The following AKAP6 variants were observed in gnomAD, a reference collection of about 807,000 sequenced individuals.
The protein encoded by AKAP6 is A-kinase anchoring protein 6, also known as A-kinase anchor protein 6.
AKAP6 carries 58 observed loss-of-function variants against 188.5 expected under a neutral mutation model. That is an observed-to-expected ratio of 0.31 (90% CI 0.25 to 0.38). AKAP6 has a LOEUF of 0.38. AKAP6 is among the 10% of genes least tolerant of loss of function. The probability of loss-of-function intolerance (pLI) is 1.00; values close to 1 mark genes in which losing one functional copy is unlikely to be tolerated. For synonymous variants in AKAP6, 989 were observed against 998.6 expected (o/e 0.99, Z 0.18); for missense variants, 2,710 against 2,740.0 (o/e 0.99, Z 0.24).
intron 9 of AKAP6, among the ~76,000 whole-genome samples, chr14:32,718,613 C>G (rs1055045633): frequency 2.6e-5 from 4 of 152,152 alleles, no homozygotes; most frequent in African/African-American, 9.7e-5. Flanking sequence ...TTCACAGAAG[C>G]TTTTCTTGTG....
intron 5 of AKAP6, among the ~76,000 whole-genome samples, chr14:32,580,749 T>C (rs937625188): frequency 1.1e-4 from 16 of 150,372 alleles, no homozygotes; most frequent in African/African-American, 3.4e-4. Flanking sequence ...TTCCCCTTCC[T>C]GTGTCCATGT....
chr14:32,366,734 T>C (rs910026511), intron 1 of AKAP6, among the ~76,000 whole-genome samples: 5 of 151,966 alleles, frequency 3.3e-5, no homozygotes, highest in African/African-American at 1.2e-4. Context: ...TGGGGAGTAG[T>C]GGTGGAAAGT....
intron 7 of AKAP6, among the ~76,000 whole-genome samples, chr14:32,623,986 G>C (rs945000577): frequency 6.6e-6 from 1 of 152,130 alleles, no homozygotes; most frequent in Non-Finnish European, 1.5e-5. Context: ...GGAGAAGAGA[G>C]TAGAGTGGCA....
chr14:32,338,726 A>G lies in AKAP6; in HGVS notation c.-35+9318A>G, dbSNP rs73254629. Among the ~76,000 whole-genome samples the G allele has an allele frequency of 9.9e-3, 1,503 of 152,196 alleles. 28 individuals are homozygous for G. The highest frequency in any genetic ancestry group is 0.035 in the African/African-American group (1,437 of 41,508). ...TAAAATTATTAGAGTTATGATCTTAAGGTTCTTAGAGCCTCATTTTTCCCC... is the reference window on the plus strand; with the variant it reads ...TAAAATTATTAGAGTTATGATCTTAGGGTTCTTAGAGCCTCATTTTTCCCC... On this transcript the variant is annotated intron_variant, in intron 1 of 13. Coordinates refer to ENST00000280979, the MANE Select transcript of AKAP6 (RefSeq NM_004274.5).
At chr14:32,350,471 C>G (rs1482865379) in intron 1 of AKAP6, among the ~76,000 whole-genome samples, 1 of 151,990 alleles carries the variant, frequency 6.6e-6, no homozygotes, top group Non-Finnish European at 1.5e-5. Flanking sequence ...TATTATAGAC[C>G]AGAGGAGACT....
chr14:32,722,815 A>C (rs1249439656), intron 9 of AKAP6, among the ~76,000 whole-genome samples: 1 of 152,116 alleles, frequency 6.6e-6, no homozygotes, highest in Non-Finnish European at 1.5e-5. Flanking sequence ...TGTGTGACCT[A>C]ATTCTTCCTG....
intron 2 of AKAP6, among the ~76,000 whole-genome samples, chr14:32,462,322 G>A (rs1198025163): frequency 1.3e-5 from 2 of 152,140 alleles, no homozygotes; most frequent in Non-Finnish European, 2.9e-5. Flanking sequence ...ATTAAGGGTA[G>A]CCAGAGAGAA....
chr14:32,415,229 G>A (rs1405281471), intron 1 of AKAP6, among the ~76,000 whole-genome samples: 2 of 152,088 alleles, frequency 1.3e-5, no homozygotes, highest in African/African-American at 4.8e-5. Flanking sequence ...AGTCACACGT[G>A]TGTCTTAAGG....
intron 8 of AKAP6, among the ~76,000 whole-genome samples, chr14:32,682,803 G>A (rs1029360458): frequency 3.3e-5 from 5 of 152,100 alleles, no homozygotes; most frequent in Non-Finnish European, 4.4e-5. Flanking sequence ...ACCACCAGTT[G>A]AGAACCATTG....
At chr14:32,795,240 T>C (rs1334029658) in intron 12 of AKAP6, among the ~76,000 whole-genome samples, 2 of 152,150 alleles carry the variant, frequency 1.3e-5, no homozygotes, top group African/African-American at 2.4e-5. Flanking sequence ...ACAGAAAATA[T>C]TCCAAAAAAA....
At position 32,433,543 on chromosome 14, in the gene AKAP6, A is replaced by G; in HGVS notation, c.50A>G (p.Asp17Gly). The part of the protein sequence containing the change: ...TLSPLRSQDL[D>G]PMATDASPMA... Reference sequence around the variant, plus strand: ...TCCCCCCTGAGGTCACAGGACCTGGATCCCATGGCTACTGATGCTTCACCC... The same window carrying G: ...TCCCCCCTGAGGTCACAGGACCTGGGTCCCATGGCTACTGATGCTTCACCC... The change falls in exon 2 of 14, where the codon GAT (aspartate) becomes GGT (glycine). Residue 17 changes from aspartate to glycine, a missense_variant. By Grantham distance (94) the Asp-to-Gly change is moderately conservative. This residue lies in a region of AKAP6 where 237 missense variants were observed against 313.9 expected (regional missense o/e 0.76). Transcript: ENST00000280979. 1 of 1,614,162 alleles carries G rather than the reference A, an allele frequency of 6.2e-7. No individual in the cohort carries two copies. The highest frequency in any genetic ancestry group is 1.7e-4 in the Middle Eastern group (1 of 6,060).
intron 12 of AKAP6, among the ~76,000 whole-genome samples, chr14:32,774,682 C>T (rs1018473307): frequency 7.2e-5 from 11 of 152,216 alleles, no homozygotes; most frequent in Admixed American, 3.3e-4. Flanking sequence ...TCCAAATGAC[C>T]TTGAGGTCAA....
At chr14:32,372,875 G>A (rs1888054599) in intron 1 of AKAP6, among the ~76,000 whole-genome samples, 1 of 151,704 alleles carries the variant, frequency 6.6e-6, no homozygotes, top group South Asian at 2.1e-4. Context: ...GAGCATTATG[G>A]GATTTGGGTA....
rs372218968 is a variant in AKAP6 at position 32,337,923 on chromosome 14, G to C, written c.-35+8515G>C. 3.9e-5 allele frequency among the ~76,000 whole-genome samples: 6 copies of C among 152,254 alleles called. No individual in the cohort carries two copies. The East Asian group carries it at 5.8e-4, about 15-fold the overall frequency. ...TAGTCTTAGCACCTCAGGAGGCTGAGGGGGGAGGATTGCTTGAGCCTAGAA... is the reference window on the plus strand; with the variant it reads ...TAGTCTTAGCACCTCAGGAGGCTGACGGGGGAGGATTGCTTGAGCCTAGAA... On this transcript the variant is annotated intron_variant, in intron 1 of 13. Transcript: ENST00000280979.
At chr14:32,681,592 C>G (rs1395096368) in intron 8 of AKAP6, among the ~76,000 whole-genome samples, 1 of 151,738 alleles carries the variant, frequency 6.6e-6, no homozygotes, top group African/African-American at 2.4e-5. Context: ...AAGTAGAGTT[C>G]ATTAAAACCA....
intron 13 of AKAP6, among the ~76,000 whole-genome samples, chr14:32,827,053 G>A (rs537908944): frequency 1.2e-3 from 186 of 152,216 alleles, no homozygotes; most frequent in African/African-American, 3.5e-3. Context: ...CCAGACGTTA[G>A]CATTGGATAA....
At chr14:32,700,586 A>T (rs1890582015) in intron 9 of AKAP6, among the ~76,000 whole-genome samples, 1 of 152,192 alleles carries the variant, frequency 6.6e-6, no homozygotes, top group Non-Finnish European at 1.5e-5. Context: ...TATTTTTACT[A>T]TACCTTTTCT....
At chr14:32,540,168 C>CTCTCTCTCTATATATA (rs1240063339) in intron 3 of AKAP6, among the ~76,000 whole-genome samples, 21 of 60,916 alleles carry the variant, frequency 3.4e-4, no homozygotes, top group African/African-American at 1.9e-3. Flanking sequence ...CTCTCTCTCT[C>CTCTCTCTCTATATATA]TATATATATA....
At chr14:32,646,558 G>T (rs1201809865) in intron 7 of AKAP6, among the ~76,000 whole-genome samples, 1 of 152,144 alleles carries the variant, frequency 6.6e-6, no homozygotes, top group Non-Finnish European at 1.5e-5. Flanking sequence ...GGCTGAACTA[G>T]CAACAGTAAA....
Sources: gnomAD v4.1 joint callset for allele counts (sites outside exome capture counted in the v4.1 genomes callset) on GRCh38, gnomAD v4.1.1 for gene constraint, gnomAD v4.1.1 regional missense constraint, MANE v1.5 for transcripts, NCBI Gene and HGNC (gene_info 2026-07-23, HGNC 2026-07-21) for gene names.